Variants in ZNF248 observed in about 807,000 individuals in gnomAD.
The protein encoded by ZNF248 is KRAB protein domain.
In ZNF248, 20 loss-of-function variants were observed where a neutral mutation model predicts 44.3. That is an observed-to-expected ratio of 0.45 (90% CI 0.32 to 0.66). The LOEUF (loss-of-function observed/expected upper bound fraction) is 0.66. Ranked by LOEUF, ZNF248 falls within the 30% of genes least tolerant of loss-of-function variation. The probability of loss-of-function intolerance (pLI) is 0.04; values close to 1 mark genes in which losing one functional copy is unlikely to be tolerated. For missense variants in ZNF248, 654 were observed against 677.0 expected, an observed-to-expected ratio of 0.97 and a Z score of 0.38; for synonymous variants, 224 against 229.0, an observed-to-expected ratio of 0.98 and a Z score of 0.20.
chr10:37,813,497 CCCT>C (rs1053829121), intron 6 of ZNF248, among the ~76,000 whole-genome samples: 5 of 152,142 alleles, frequency 3.3e-5, no homozygotes, highest in Admixed American at 6.5e-5. Flanking sequence ...CTCCTCCTCT[CCCT>C]CCTCCTCATC....
At position 37,856,565 on chromosome 10, in the gene ZNF248, A is replaced by G. The variant is rs547305451; in HGVS notation, c.-125-33T>C. 8.2e-5 allele frequency: 96 copies of G among 1,177,178 alleles called. No individual in the cohort carries two copies. The African/African-American group carries it at 1.4e-3, about 17-fold the overall frequency. 72.9% of individuals were successfully genotyped at this position (1,177,178 alleles called of 1,614,324 possible). A position where few individuals can be genotyped will look rare whatever the true frequency, so the allele number is the denominator to read the frequency against. On this transcript the variant is annotated intron_variant, in intron 1 of 5. Transcript: ENST00000395867. ...ACAGAAAAATTAAAAACATGAAAAGATGAGTTTAACAAGTTAACAGTAATC... is the reference window on the plus strand; with the variant it reads ...ACAGAAAAATTAAAAACATGAAAAGGTGAGTTTAACAAGTTAACAGTAATC...
chr10:37,820,521 G>A (rs981809052), intron 6 of ZNF248: 86 of 1,601,292 alleles, frequency 5.4e-5, no homozygotes, highest in Admixed American at 2.0e-4. Context: ...GGTGAGGATC[G>A]TGCAACTGGT....
downstream of ZNF248, among the ~76,000 whole-genome samples, chr10:37,825,369 T>C (rs1382249864): frequency 6.6e-6 from 1 of 152,064 alleles, no homozygotes; most frequent in African/African-American, 2.4e-5. Flanking sequence ...GTTATATTAG[T>C]AAGGTTGGAA....
chr10:37,813,025 GAAAAA>G (rs75862715), intron 6 of ZNF248, among the ~76,000 whole-genome samples: 1 of 108,636 alleles, frequency 9.2e-6, no homozygotes. Context: ...ATGGCAAAAA[GAAAAA>G]AAAAAAAAAA....
intron 4 of ZNF248, 22 bp downstream of exon 4, chr10:37,837,963 T>A: frequency 6.2e-7 from 1 of 1,610,504 alleles, no homozygotes; most frequent in South Asian, 1.1e-5. Context: ...TTGATAGCCA[T>A]GTGCGGAAAA....
At position 37,819,762 on chromosome 10, in the gene ZNF248, T is replaced by C; in HGVS notation, c.330+13263A>G. On this transcript the variant is annotated intron_variant, in intron 6 of 6. Transcript: ENST00000615949. ...TTATTTTCAGCTCCATTGGTCCTGC[T>C]TTTCCACTGTTTCTGCTCACTGGTT... is the stretch of plus-strand genomic sequence containing the variant. The C allele has an allele frequency of 3.8e-6, 3 of 781,628 alleles. No homozygotes were observed. In the South Asian group the frequency reaches 4.0e-5, roughly 10 times the overall value. 48.4% of individuals were successfully genotyped at this position (781,628 alleles called of 1,614,324 possible). A position where few individuals can be genotyped will look rare whatever the true frequency, so the allele number is the denominator to read the frequency against.
At chr10:37,850,281 T>C (rs1043807088) in intron 3 of ZNF248, among the ~76,000 whole-genome samples, 4 of 152,150 alleles carry the variant, frequency 2.6e-5, no homozygotes, top group Admixed American at 6.5e-5. Flanking sequence ...AATGAATGAA[T>C]GACTTGATTA....
chr10:37,800,095 T>C (rs1358235100), intron 6 of ZNF248, among the ~76,000 whole-genome samples: 1 of 152,034 alleles, frequency 6.6e-6, no homozygotes, highest in East Asian at 1.9e-4. Context: ...ACACCAGACA[T>C]AGTACATTAA....
chr10:37,831,447 C>T lies in ZNF248; in HGVS notation c.*168G>A. ...CCATATTACTTAGATGAATAGAATTCCCCTCAGTACAAATTTTCTAATGAA... is the reference window on the plus strand; with the variant it reads ...CCATATTACTTAGATGAATAGAATTTCCCTCAGTACAAATTTTCTAATGAA... On this transcript the variant is annotated 3_prime_UTR_variant, in exon 6 of 6. Transcript: ENST00000395867. The T allele has an allele frequency of 6.8e-7, 1 of 1,464,580 alleles. No homozygotes were observed. 90.7% of individuals were successfully genotyped at this position (1,464,580 alleles called of 1,614,324 possible). A position where few individuals can be genotyped will look rare whatever the true frequency, so the allele number is the denominator to read the frequency against.
chr10:37,766,216 T>C, the ZNF248 span, among the ~76,000 whole-genome samples: 1 of 152,340 alleles, frequency 6.6e-6, no homozygotes, highest in African/African-American at 2.4e-5. Flanking sequence ...AGCAGTAACC[T>C]CTGCAGACTT....
intron 3 of ZNF248, among the ~76,000 whole-genome samples, chr10:37,846,184 C>T (rs892328843): frequency 6.6e-6 from 1 of 152,156 alleles, no homozygotes; most frequent in Non-Finnish European, 1.5e-5. Flanking sequence ...GCTGCAAATC[C>T]CAATGTCAGT....
downstream of ZNF248, among the ~76,000 whole-genome samples, chr10:37,825,387 A>G (rs1204618467): frequency 6.6e-6 from 1 of 152,138 alleles, no homozygotes; most frequent in Admixed American, 6.5e-5. Context: ...GAATTTTTTT[A>G]ACAAAAAAAA....
intron 6 of ZNF248, among the ~76,000 whole-genome samples, chr10:37,815,444 C>T (rs1249165531): frequency 6.6e-6 from 1 of 151,962 alleles, no homozygotes; most frequent in East Asian, 1.9e-4. Flanking sequence ...CTCAAATATG[C>T]TTTTAAATCC....
At chr10:37,789,684 T>C (rs2048281341) in intron 6 of ZNF248, among the ~76,000 whole-genome samples, 1 of 152,190 alleles carries the variant, frequency 6.6e-6, no homozygotes, top group South Asian at 2.1e-4. Flanking sequence ...GTAAAAAAGT[T>C]TCTTCTCAGA....
chr10:37,824,396 T>C (rs1218456859), downstream of ZNF248, among the ~76,000 whole-genome samples: 5 of 152,140 alleles, frequency 3.3e-5, no homozygotes, highest in East Asian at 9.7e-4. Context: ...ACCAAGCATC[T>C]GGGCACCCCA....
chr10:37,845,626 C>A (rs1342977500), intron 3 of ZNF248, among the ~76,000 whole-genome samples: 1 of 151,778 alleles, frequency 6.6e-6, no homozygotes. Context: ...AGAGTAATGA[C>A]AAACAACAGA....
chr10:37,769,118 T>A, the ZNF248 span, among the ~76,000 whole-genome samples: 1 of 152,102 alleles, frequency 6.6e-6, no homozygotes, highest in Non-Finnish European at 1.5e-5. Context: ...GCTGAAATTG[T>A]GGCAATAGTC....
chr10:37,801,710 T>C (rs2049861316), intron 6 of ZNF248, among the ~76,000 whole-genome samples: 1 of 152,134 alleles, frequency 6.6e-6, no homozygotes, highest in African/African-American at 2.4e-5. Context: ...AGAAGTTAGA[T>C]TGGCAAGAAG....
At chr10:37,801,388 T>C (rs1057360601) in intron 6 of ZNF248, among the ~76,000 whole-genome samples, 1 of 151,306 alleles carries the variant, frequency 6.6e-6, no homozygotes, top group Non-Finnish European at 1.5e-5. Flanking sequence ...AAAAAAAACA[T>C]TATATTGAAT....
Sources: allele counts gnomAD v4.1 joint callset (sites outside exome capture counted in the v4.1 genomes callset), GRCh38; gene constraint gnomAD v4.1.1; transcripts MANE v1.5; gene names NCBI Gene and HGNC (gene_info 2026-07-23, HGNC 2026-07-21).